MICU1: variants seen among roughly 807,000 people sequenced by gnomAD.
The protein encoded by MICU1 is calcium uptake protein 1, mitochondrial.
In MICU1, 45 loss-of-function variants were observed where a neutral mutation model predicts 56.8. The observed-to-expected ratio is 0.79, with a 90% confidence interval of 0.62 to 1.02. MICU1 has a LOEUF of 1.02. Among genes scored for constraint, MICU1 ranks in the 50% least tolerant of loss-of-function variants. The pLI, the probability that MICU1 is intolerant of heterozygous loss-of-function variation, is 0.00. For missense variants in MICU1, 504 were observed against 587.1 expected, an observed-to-expected ratio of 0.86 and a Z score of 1.46; for synonymous variants, 186 against 195.1, an observed-to-expected ratio of 0.95 and a Z score of 0.39.
At chr10:72,497,508 A>G (rs1866887527) in intron 6 of MICU1, among the ~76,000 whole-genome samples, 1 of 152,208 alleles carries the variant, frequency 6.6e-6, no homozygotes, top group Admixed American at 6.5e-5. Flanking sequence ...TCTCGCTTCT[A>G]AGAGGCAGAC....
At chr10:72,376,719 G>T (rs1862535118) in intron 10 of MICU1, among the ~76,000 whole-genome samples, 1 of 152,108 alleles carries the variant, frequency 6.6e-6, no homozygotes, top group Non-Finnish European at 1.5e-5. Context: ...GGGGAATGGG[G>T]AGTTACTGCT....
intron 1 of MICU1, among the ~76,000 whole-genome samples, chr10:72,600,026 T>A (rs1170393435): frequency 6.6e-6 from 1 of 152,206 alleles, no homozygotes; most frequent in African/African-American, 2.4e-5. Flanking sequence ...GCATGGTGGC[T>A]CACGCCTGTA....
chr10:72,481,416 T>G (rs1257035404), intron 6 of MICU1, among the ~76,000 whole-genome samples: 2 of 152,126 alleles, frequency 1.3e-5, no homozygotes, highest in African/African-American at 4.8e-5. Context: ...TTGTTTTTTG[T>G]TTTTTGTTTT....
chr10:72,458,406 TA>T (rs1297683442), intron 8 of MICU1, among the ~76,000 whole-genome samples: 5 of 152,110 alleles, frequency 3.3e-5, no homozygotes, highest in African/African-American at 1.2e-4. Context: ...ACTTGGAAAA[TA>T]TTATCAAAAC....
At chr10:72,382,179 C>T (rs567175999) in intron 10 of MICU1, among the ~76,000 whole-genome samples, 12 of 151,362 alleles carry the variant, frequency 7.9e-5, no homozygotes, top group Admixed American at 5.3e-4. Flanking sequence ...GGTGCGATCT[C>T]GGCTCATTGC....
Position 72,533,658 on chromosome 10 carries a change from T to C in MICU1, c.537+88A>G, listed in dbSNP as rs1319609144. 4.0e-5 allele frequency: 40 copies of C among 988,694 alleles called. No individual in the cohort carries two copies. The Middle Eastern group carries it at 1.5e-3, about 36-fold the overall frequency. 61.2% of individuals were successfully genotyped at this position (988,694 alleles called of 1,614,324 possible). A position where few individuals can be genotyped will look rare whatever the true frequency, so the allele number is the denominator to read the frequency against. ...TTTGGTAAGATAAACAGGTATTCAGTGATTTCTCAAACATAACTATAGAGG... is the reference window on the plus strand; with the variant it reads ...TTTGGTAAGATAAACAGGTATTCAGCGATTTCTCAAACATAACTATAGAGG... On this transcript the variant is annotated intron_variant, in intron 5 of 11. Coordinates refer to ENST00000361114, the MANE Select transcript of MICU1 (RefSeq NM_001195518.2).
intron 1 of MICU1, among the ~76,000 whole-genome samples, chr10:72,572,028 A>C (rs1466247664): frequency 6.6e-6 from 1 of 152,054 alleles, no homozygotes; most frequent in Non-Finnish European, 1.5e-5. Flanking sequence ...AAAAAAAACA[A>C]ACACTAAGTA....
intron 5 of MICU1, among the ~76,000 whole-genome samples, chr10:72,514,411 T>C (rs2132363412): frequency 6.6e-6 from 1 of 152,266 alleles, no homozygotes. Context: ...TTGTTGAAAC[T>C]GGACATTTTG....
At chr10:72,586,003 T>TTTTCTTTTTC in intron 1 of MICU1, among the ~76,000 whole-genome samples, 1 of 132,472 alleles carries the variant, frequency 7.5e-6, no homozygotes, top group South Asian at 2.3e-4. Flanking sequence ...TATTTTTTCT[T>TTTTCTTTTTC]TTTTTTTTTC....
Position 72,526,708 on chromosome 10 carries a change from ATTG to A in MICU1, c.537+7035_537+7037del, listed in dbSNP as rs1042888520. Among the ~76,000 whole-genome samples the A allele has an allele frequency of 8.5e-5, 13 of 152,290 alleles. No homozygotes were observed. In the Middle Eastern group the frequency reaches 0.014, roughly 159 times the overall value. On this transcript the variant is annotated intron_variant, in intron 5 of 11. Coordinates refer to ENST00000361114, the MANE Select transcript of MICU1 (RefSeq NM_001195518.2). ...AATCAATATTTGAAAGAGTTAATAA[ATTG>A]TTTAGTTTATAATAGTAAATTGTAG...
At chr10:72,371,386 CAAAA>C (rs56014491) in intron 11 of MICU1, among the ~76,000 whole-genome samples, 13 of 91,210 alleles carry the variant, frequency 1.4e-4, no homozygotes, top group African/African-American at 3.6e-4. Flanking sequence ...GACTCCGTCT[CAAAA>C]AAAAAAAAAA....
intron 8 of MICU1, among the ~76,000 whole-genome samples, chr10:72,454,602 G>A (rs1865399277): frequency 1.3e-5 from 2 of 151,910 alleles, no homozygotes; most frequent in Non-Finnish European, 1.5e-5. Flanking sequence ...GGCCAACATG[G>A]TGAAACCACG....
chr10:72,541,237 G>C (rs1288541828), intron 4 of MICU1, among the ~76,000 whole-genome samples: 1 of 152,154 alleles, frequency 6.6e-6, no homozygotes, highest in African/African-American at 2.4e-5. Flanking sequence ...AAAACTCCTT[G>C]CTCAGCGACC....
intron 6 of MICU1, among the ~76,000 whole-genome samples, chr10:72,489,984 C>T (rs1866600189): frequency 6.6e-6 from 1 of 152,124 alleles, no homozygotes; most frequent in African/African-American, 2.4e-5. Context: ...TTGGTTCAGA[C>T]AGTTTTGGAA....
At chr10:72,591,455 T>TA (rs889590769) in intron 1 of MICU1, among the ~76,000 whole-genome samples, 7 of 150,466 alleles carry the variant, frequency 4.7e-5, no homozygotes, top group Middle Eastern at 3.4e-3. Flanking sequence ...TTGAAAAAAA[T>TA]AAAAAAAATC....
chr10:72,435,889 G>C (rs1043830955), intron 8 of MICU1, among the ~76,000 whole-genome samples: 1 of 152,270 alleles, frequency 6.6e-6, no homozygotes, highest in African/African-American at 2.4e-5. Context: ...CGGTCGGGAA[G>C]CTTGAACTGG....
chr10:72,619,952 A>G (rs895580099), intron 1 of MICU1, among the ~76,000 whole-genome samples: 1 of 152,142 alleles, frequency 6.6e-6, no homozygotes. Flanking sequence ...GATACATTAG[A>G]GCTAGATTCT....
rs57326279 is a variant in MICU1 at position 72,500,257 on chromosome 10, CATACATATATATATATATATAT to C, written c.652+7876_652+7897del. On this transcript the variant is annotated intron_variant, in intron 6 of 11. Coordinates refer to ENST00000361114, the MANE Select transcript of MICU1 (RefSeq NM_001195518.2). The stretch of plus-strand genomic sequence containing the variant: ...TGATAAACTATTATATACATACATA[CATACATATATATATATATATAT>C]ATATATATATATATATATATATATT... 2.0e-3 allele frequency among the ~76,000 whole-genome samples: 94 copies of C among 47,792 alleles called. 2 individuals are homozygous for C. Among genetic ancestry groups the C allele is most frequent in the Middle Eastern group, 0.013 (1 of 78 alleles). 31.4% of individuals were successfully genotyped at this position (47,792 alleles called of 152,430 possible). A position where few individuals can be genotyped will look rare whatever the true frequency, so the allele number is the denominator to read the frequency against.
At chr10:72,534,982 TTTGA>T (rs1284355064) in intron 4 of MICU1, among the ~76,000 whole-genome samples, 2 of 146,992 alleles carry the variant, frequency 1.4e-5, no homozygotes, top group Non-Finnish European at 3.0e-5. Context: ...CAATTAAAAC[TTTGA>T]TTGCCTATCT....
Sources: gnomAD v4.1 joint callset for allele counts (sites outside exome capture counted in the v4.1 genomes callset) on GRCh38, gnomAD v4.1.1 for gene constraint, MANE v1.5 for transcripts, NCBI Gene and HGNC (gene_info 2026-07-23, HGNC 2026-07-21) for gene names.